Variants in CROCC2 observed in about 807,000 individuals in gnomAD.
CROCC2 encodes ciliary rootlet coiled-coil protein 2.
Under a neutral mutation model 177.6 loss-of-function variants are expected in CROCC2, and 163 were observed. The observed-to-expected ratio is 0.92, with a 90% CI of 0.81 to 1.05. The LOEUF (loss-of-function observed/expected upper bound fraction) is 1.05, where lower values mean the gene tolerates loss of function less well. CROCC2 is among the 50% of genes least tolerant of loss of function. The pLI, the probability that CROCC2 is intolerant of heterozygous loss-of-function variation, is 0.00. For missense variants in CROCC2, 1,929 were observed against 1,797.8 expected (o/e 1.07, Z -1.32); for synonymous variants, 904 against 787.3 (o/e 1.15, Z -2.48).
intron 3 of CROCC2, among the ~76,000 whole-genome samples, chr2:240,922,161 C>A (rs1465605689): frequency 6.6e-6 from 1 of 152,218 alleles, no homozygotes; most frequent in Non-Finnish European, 1.5e-5. Context: ...GTAGCTGGGG[C>A]AGTGGGGCCT....
At chr2:240,945,401 CT>C (rs2106467493) in intron 14 of CROCC2, among the ~76,000 whole-genome samples, 1 of 152,318 alleles carries the variant, frequency 6.6e-6, no homozygotes, top group East Asian at 1.9e-4. Flanking sequence ...AACTTGATGT[CT>C]TGTGATATTT....
Position 240,982,844 on chromosome 2 carries a change from TG to T in CROCC2, c.4402-35del. 6.5e-7 allele frequency: 1 copy of T among 1,527,904 alleles called. No homozygotes were observed. The highest frequency in any genetic ancestry group is 8.8e-7 in the Non-Finnish European group (1 of 1,133,800). 94.6% of individuals were successfully genotyped at this position (1,527,904 alleles called of 1,614,324 possible). A position where few individuals can be genotyped will look rare whatever the true frequency, so the allele number is the denominator to read the frequency against. On this transcript the variant is annotated intron_variant, in intron 27 of 31. Coordinates refer to ENST00000690015, the MANE Select transcript of CROCC2 (RefSeq NM_001351305.2). The surrounding 1 kb of genome is among the most constrained non-coding windows in gnomAD (Gnocchi z 4.7). ...TCCCTGCAGGGCCTCCCACCCCCAGTGTCTCCAGGTGGACCCTGTGTCTCCT... is the reference window on the plus strand; with the variant it reads ...TCCCTGCAGGGCCTCCCACCCCCAGTTCTCCAGGTGGACCCTGTGTCTCCT...
At position 240,919,176 on chromosome 2, in the gene CROCC2, G is replaced by A. The variant is rs117814449; in HGVS notation, c.229+300G>A. On this transcript the variant is annotated intron_variant, in intron 2 of 31. Coordinates refer to ENST00000690015, the MANE Select transcript of CROCC2 (RefSeq NM_001351305.2). The stretch of plus-strand genomic sequence containing the variant: ...TGGGCCTGCAGCTGGCCAAGGTGAC[G>A]GCGTGGGGGACAGTCCTGGGCCTGG... 1.0e-4 allele frequency among the ~76,000 whole-genome samples: 15 copies of A among 142,994 alleles called. No individual in the cohort carries two copies. The East Asian group carries it at 1.3e-3, about 12-fold the overall frequency. The allele number at this position is 142,994 out of a possible 152,430, so 93.8% of individuals were successfully genotyped here. A position where few individuals can be genotyped will look rare whatever the true frequency, so the allele number is the denominator to read the frequency against.
intron 7 of CROCC2, 22 bp downstream of exon 7, chr2:240,931,150 G>A (rs755586642): frequency 1.7e-5 from 12 of 701,330 alleles, no homozygotes; most frequent in Non-Finnish European, 2.4e-5. Context: ...GGGCCAGCAA[G>A]CTTGCACAGG....
chr2:240,963,483 G>A (rs1387666453), intron 20 of CROCC2, 73 bp from the exon 21 acceptor site: 1 of 1,411,688 alleles, frequency 7.1e-7, no homozygotes, highest in Non-Finnish European at 9.4e-7. Context: ...CATGTCAGAG[G>A]CCACAGGCCC....
intron 20 of CROCC2, 56 bp from the exon 21 acceptor site, chr2:240,963,500 C>T: frequency 3.5e-6 from 5 of 1,448,276 alleles, no homozygotes; most frequent in Non-Finnish European, 4.6e-6. Flanking sequence ...GCCCCTGTGG[C>T]TATCCCTGGA....
At chr2:240,985,599 T>C (rs1310092371) in intron 28 of CROCC2, among the ~76,000 whole-genome samples, 2 of 59,330 alleles carry the variant, frequency 3.4e-5, no homozygotes, top group Non-Finnish European at 6.7e-5. Flanking sequence ...AGGCACTCAC[T>C]CCACACACAC....
intron 27 of CROCC2, among the ~76,000 whole-genome samples, chr2:240,971,935 G>T (rs765461900): frequency 1.3e-5 from 2 of 151,974 alleles, no homozygotes; most frequent in African/African-American, 4.8e-5. Flanking sequence ...CGGTGGCCTC[G>T]TTCGGCCTGA....
chr2:240,963,219 T>C (rs2059654841), intron 20 of CROCC2: 1 of 333,848 alleles, frequency 3.0e-6, no homozygotes, highest in African/African-American at 2.0e-5. Flanking sequence ...GCAGTGACAG[T>C]GCAGACACGT....
At chr2:240,912,892 C>G (rs1027599929) in intron 1 of CROCC2, among the ~76,000 whole-genome samples, 1 of 152,190 alleles carries the variant, frequency 6.6e-6, no homozygotes, top group African/African-American at 2.4e-5. Context: ...CCCAAGGGAC[C>G]AAGTCTAGGG....
intron 1 of CROCC2, among the ~76,000 whole-genome samples, chr2:240,906,848 G>A (rs1325598656): frequency 6.6e-6 from 1 of 152,204 alleles, no homozygotes. Flanking sequence ...GCTGGCTATA[G>A]ACATTCAGGT....
intron 28 of CROCC2, among the ~76,000 whole-genome samples, chr2:240,985,489 CCACA>C (rs1429820710): frequency 3.1e-5 from 1 of 32,702 alleles, no homozygotes; most frequent in Non-Finnish European, 5.0e-5. Context: ...GGCACTCACT[CCACA>C]CACACACCCA....
Position 240,949,245 on chromosome 2 carries a change from GACTT to G in CROCC2, c.2482+149_2482+152del, listed in dbSNP as rs2059539933. On this transcript the variant is annotated intron_variant, in intron 16 of 31. Coordinates refer to ENST00000690015, the MANE Select transcript of CROCC2 (RefSeq NM_001351305.2). This position sits in a 1 kb window ranked among gnomAD's most constrained non-coding sequence, Gnocchi z 4.5. Reference sequence around the variant, plus strand: ...GAGCTTGGAGCTCATGCGACTGAGCGACTTGGGCCACCCTCGCCCATGAGGAGCA... The same window carrying G: ...GAGCTTGGAGCTCATGCGACTGAGCGGGGCCACCCTCGCCCATGAGGAGCA... 2 of 1,411,756 alleles carry G rather than the reference GACTT, an allele frequency of 1.4e-6. No individual in the cohort carries two copies. Among genetic ancestry groups the G allele is most frequent in the Non-Finnish European group, 1.9e-6 (2 of 1,078,248 alleles). 87.5% of individuals were successfully genotyped at this position (1,411,756 alleles called of 1,614,324 possible).
intron 14 of CROCC2, among the ~76,000 whole-genome samples, chr2:240,936,707 A>G (rs555540098): frequency 1.3e-5 from 2 of 152,218 alleles, no homozygotes; most frequent in Non-Finnish European, 2.9e-5. Flanking sequence ...ACCAGCACCC[A>G]GGTGATGTGA....
At chr2:240,933,072 C>T in intron 9 of CROCC2, 59 bp from the exon 10 acceptor site, 1 of 1,541,698 alleles carries the variant, frequency 6.5e-7, no homozygotes, top group Non-Finnish European at 8.8e-7. Flanking sequence ...CCCTGGTGGG[C>T]CTCGGTGGGC....
intron 31 of CROCC2, 114 bp from the exon 32 acceptor site, chr2:240,992,952 G>T: frequency 1.5e-6 from 1 of 656,196 alleles, no homozygotes; most frequent in South Asian, 1.7e-5. Flanking sequence ...GAAGTTCAAG[G>T]TTCCCAGTTG....
At chr2:240,925,268 G>A (rs1041260476) in intron 4 of CROCC2, among the ~76,000 whole-genome samples, 23 of 152,192 alleles carry the variant, frequency 1.5e-4, no homozygotes, top group African/African-American at 5.3e-4. Context: ...CACCCCTACT[G>A]CAGCAAGTGT....
intron 27 of CROCC2, among the ~76,000 whole-genome samples, chr2:240,976,116 A>G (rs1212526231): frequency 1.3e-5 from 2 of 152,272 alleles, no homozygotes; most frequent in African/African-American, 2.4e-5. Flanking sequence ...GCAGCCCCAC[A>G]TGCTGGCTCC....
intron 5 of CROCC2, chr2:240,929,706 A>T (rs1348893537): frequency 2.2e-6 from 1 of 457,132 alleles, no homozygotes; most frequent in Non-Finnish European, 4.4e-6. Context: ...AGTAAGGAGA[A>T]AGACTGTACT....
Sources: gnomAD v4.1 joint callset for allele counts (sites outside exome capture counted in the v4.1 genomes callset) on GRCh38, gnomAD v4.1.1 for gene constraint, Gnocchi (gnomAD v3.1) non-coding constraint, MANE v1.5 for transcripts, NCBI Gene and HGNC (gene_info 2026-07-23, HGNC 2026-07-21) for gene names.